The following ZNF786 variants were observed in gnomAD, a reference collection of about 807,000 sequenced individuals.
ZNF786 encodes zinc finger protein 786.
ZNF786 carries 56 observed loss-of-function variants against 63.1 expected under a neutral mutation model. The observed-to-expected ratio is 0.89, with a 90% CI of 0.72 to 1.11. ZNF786 has a LOEUF of 1.11. Ranked by LOEUF, ZNF786 falls within the 50% of genes least tolerant of loss-of-function variation. The probability of loss-of-function intolerance (pLI) is 0.00; values close to 1 mark genes in which losing one functional copy is unlikely to be tolerated. For missense variants in ZNF786, 1,213 were observed against 1,041.8 expected, an observed-to-expected ratio of 1.16 and a Z score of -2.26; for synonymous variants, 485 against 406.9, an observed-to-expected ratio of 1.19 and a Z score of -2.31.
At chr7:149,073,747 G>GTGTGTATGTATATATATATATATA (rs1447329296) in intron 3 of ZNF786, among the ~76,000 whole-genome samples, 1 of 77,602 alleles carries the variant, frequency 1.3e-5, no homozygotes, top group Non-Finnish European at 2.5e-5. Flanking sequence ...GTGTGTGTGT[G>GTGTGTATGTATATATATATATATA]TATATATATA....
intron 2 of ZNF786, among the ~76,000 whole-genome samples, chr7:149,077,990 G>A (rs1825588413): frequency 6.6e-6 from 1 of 151,216 alleles, no homozygotes; most frequent in African/African-American, 2.4e-5. Context: ...AGCCTCCCAA[G>A]TAGCTGGGAT....
Position 149,072,454 on chromosome 7 carries a change from A to T in ZNF786, c.318T>A (p.Asn106Lys). 1 of 1,593,764 alleles carries T rather than the reference A, an allele frequency of 6.3e-7. No individual in the cohort carries two copies. Among genetic ancestry groups the T allele is most frequent in the Non-Finnish European group, 8.5e-7 (1 of 1,171,142 alleles). ...GGAAATGGCTTTTAGTTTTTCCTGA[A>T]TTCATAGCCTGCTGGCTTCCTGCAA... The part of the protein sequence containing the change: ...QLFWGSQQAM[N>K]SGKTKSHFQL... Residue 106 changes from asparagine (N) to lysine (K), a missense_variant, in exon 4 of 4, where the codon AAT becomes AAA. Coordinates refer to ENST00000491431, the MANE Select transcript of ZNF786 (RefSeq NM_152411.4).
In ZNF786 at chr7:149,090,714, G is replaced by T. The variant is rs973641754; in HGVS notation, c.-74C>A. The T allele has an allele frequency of 2.0e-6, 3 of 1,487,232 alleles. No individual in the cohort carries two copies. The highest frequency in any genetic ancestry group is 1.4e-5 in the African/African-American group (1 of 69,856). The allele number at this position is 1,487,232 out of a possible 1,614,324, so 92.1% of individuals were successfully genotyped here. ...GCTCCGCAGGAACCTGCCCTGCTGCGCACTGACTCCCCTCCGCTCCGCCCC... is the reference window on the plus strand; with the variant it reads ...GCTCCGCAGGAACCTGCCCTGCTGCTCACTGACTCCCCTCCGCTCCGCCCC... On this transcript the variant is annotated 5_prime_UTR_variant, in exon 1 of 4. Transcript: ENST00000491431.
At chr7:149,086,511 C>T (rs1825740008) in intron 1 of ZNF786, among the ~76,000 whole-genome samples, 2 of 152,016 alleles carry the variant, frequency 1.3e-5, no homozygotes, top group Admixed American at 6.6e-5. Flanking sequence ...GCCTGTAATC[C>T]CGGCTACTTG....
At chr7:149,072,617 G>A (rs1454822627) in intron 3 of ZNF786, 144 bp from the exon 4 acceptor site, 2 of 911,918 alleles carry the variant, frequency 2.2e-6, no homozygotes, top group South Asian at 1.8e-5. Context: ...AGTGTGATCT[G>A]TCTCATGGCC....
At chr7:149,090,168 C>A (rs1825807313) in intron 1 of ZNF786, among the ~76,000 whole-genome samples, 1 of 152,196 alleles carries the variant, frequency 6.6e-6, no homozygotes, top group African/African-American at 2.4e-5. Context: ...CCAAATCACG[C>A]TAGACAATAA....
chr7:149,070,285 T>C lies in ZNF786; in HGVS notation c.*138A>G. On this transcript the variant is annotated 3_prime_UTR_variant, in exon 4 of 4. Transcript: ENST00000491431. ...AGAAAATCCTTTGTGGTTCTTCATA[T>C]TCCTAACTTGCATGACACTCTTGCT... 1.8e-6 allele frequency: 2 copies of C among 1,100,330 alleles called. No individual in the cohort carries two copies. The highest frequency in any genetic ancestry group is 2.6e-6 in the Non-Finnish European group (2 of 766,702). 68.2% of individuals were successfully genotyped at this position (1,100,330 alleles called of 1,614,324 possible). A position where few individuals can be genotyped will look rare whatever the true frequency, so the allele number is the denominator to read the frequency against.
intron 2 of ZNF786, among the ~76,000 whole-genome samples, chr7:149,078,589 CAGG>C (rs1402450654): frequency 4.6e-5 from 7 of 151,942 alleles, no homozygotes; most frequent in Middle Eastern, 3.4e-3. Context: ...GAGGCTGAGG[CAGG>C]AGAATTGCTT....
chr7:149,086,658 A>AC lies in ZNF786; in HGVS notation c.18+3964_18+3965insG, dbSNP rs1825744132. On this transcript the variant is annotated intron_variant, in intron 1 of 3. Transcript: ENST00000491431. ...CACACACACACACACACATACACAC[A>AC]AAAGGTGAGCTGGCATGTGCACAGA... Among the ~76,000 whole-genome samples, 6 of 151,114 alleles carry AC rather than the reference A, an allele frequency of 4.0e-5. No individual in the cohort carries two copies. The Admixed American group carries it at 4.0e-4, about 10-fold the overall frequency.
At chr7:149,084,996 G>A (rs146235316) in intron 1 of ZNF786, among the ~76,000 whole-genome samples, 9 of 152,146 alleles carry the variant, frequency 5.9e-5, no homozygotes, top group Non-Finnish European at 8.8e-5. Flanking sequence ...GTGCAGTGTC[G>A]GTCTTTTGCA....
chr7:149,079,552 A>C (rs1563138997), intron 2 of ZNF786, among the ~76,000 whole-genome samples: 1 of 150,624 alleles, frequency 6.6e-6, no homozygotes, highest in East Asian at 2.0e-4. Context: ...ACCCAGGCAG[A>C]GACAGCTACT....
chr7:149,071,734 C>T lies in ZNF786; in HGVS notation c.1038G>A (p.Leu346=), dbSNP rs773303369. 6.3e-7 allele frequency: 1 copy of T among 1,585,664 alleles called. No individual in the cohort carries two copies. The highest frequency in any genetic ancestry group is 1.7e-5 in the Admixed American group (1 of 58,016). ...VHSGQKPGSR[L]PQEGNSHQEG... ...CCTGGTGGCTGTTCCCCTCCTGGGG[C>T]AGGCGCGAGCCTGGTTTCTGTCCCG... Residue 346 remains leucine, a synonymous_variant, in exon 4 of 4, where the codon CTG becomes CTA. Transcript: ENST00000491431.
chr7:149,088,739 G>T (rs188579038), intron 1 of ZNF786, among the ~76,000 whole-genome samples: 114 of 152,220 alleles, frequency 7.5e-4, no homozygotes, highest in Non-Finnish European at 1.0e-3. Context: ...TGAAACTCAA[G>T]TTCTTGTGGT....
intron 2 of ZNF786, among the ~76,000 whole-genome samples, 165 bp from the exon 3 acceptor site, chr7:149,074,703 A>G (rs1255406997): frequency 6.6e-6 from 1 of 151,726 alleles, no homozygotes; most frequent in Non-Finnish European, 1.5e-5. Context: ...ACATCCTAAC[A>G]ATGCCTCCTA....
chr7:149,082,411 A>T, intron 1 of ZNF786: 1 of 316,072 alleles, frequency 3.2e-6, no homozygotes, highest in Non-Finnish European at 4.6e-6. Flanking sequence ...CAGTTGACTT[A>T]GATAAATGGA....
At position 149,074,437 on chromosome 7, in the gene ZNF786, A is replaced by G. The variant is rs1222186840; in HGVS notation, c.247T>C (p.Ser83Pro). ...ESQKSGNIIC[S>P]SVDMHFDPGF... ...GGATCAAAATGCATATCAACAGAGG[A>G]GCAAATTATGTTTCCTGATTTCTGT... The change falls in exon 3 of 4, where the codon TCC (serine) becomes CCC (proline). Residue 83 changes from serine (S) to proline (P), a missense_variant. By Grantham distance (74) the Ser-to-Pro change is moderately conservative. Transcript: ENST00000491431. 1.2e-6 allele frequency: 2 copies of G among 1,613,786 alleles called. No individual in the cohort carries two copies. Among genetic ancestry groups the G allele is most frequent in the African/African-American group, 2.7e-5 (2 of 74,904 alleles).
At position 149,072,431 on chromosome 7, in the gene ZNF786, A is replaced by G. The variant is rs766029123; in HGVS notation, c.341T>C (p.Phe114Ser). 6.2e-7 allele frequency: 1 copy of G among 1,604,334 alleles called. No homozygotes were observed. The highest frequency in any genetic ancestry group is 1.1e-5 in the South Asian group (1 of 89,498). Reference protein sequence around the residue: ...AMNSGKTKSHFQLDPESQCSF... With the variant: ...AMNSGKTKSHSQLDPESQCSF... ...ACACTGGCTTTCAGGATCTAATTGG[A>G]AATGGCTTTTAGTTTTTCCTGAATT... Residue 114 changes from phenylalanine to serine, a missense_variant, in exon 4 of 4, where the codon TTC (phenylalanine) becomes TCC (serine). Phe to Ser is a radical substitution (Grantham distance 155). Transcript: ENST00000491431.
At chr7:149,073,616 A>G (rs1337725931) in intron 3 of ZNF786, among the ~76,000 whole-genome samples, 4 of 151,394 alleles carry the variant, frequency 2.6e-5, no homozygotes, top group Non-Finnish European at 5.9e-5. Flanking sequence ...CTTACTATAT[A>G]AACTGTCTCT....
At chr7:149,077,382 C>G (rs537453760) in intron 2 of ZNF786, among the ~76,000 whole-genome samples, 1 of 152,234 alleles carries the variant, frequency 6.6e-6, no homozygotes, top group Admixed American at 6.5e-5. Flanking sequence ...AATCCCAGCA[C>G]TTTGGGAGGC....
Sources: allele counts gnomAD v4.1 joint callset (sites outside exome capture counted in the v4.1 genomes callset), GRCh38; gene constraint gnomAD v4.1.1; transcripts MANE v1.5; gene names NCBI Gene and HGNC (gene_info 2026-07-23, HGNC 2026-07-21).